MACROH2A1: variants seen among roughly 807,000 people sequenced by gnomAD.
MACROH2A1 encodes core histone macro-H2A.1.
A neutral mutation model predicts 31.6 loss-of-function variants in MACROH2A1; 2 were observed. That is an observed-to-expected ratio of 0.06 (90% CI 0.03 to 0.20). The LOEUF (loss-of-function observed/expected upper bound fraction) is 0.20, where lower values mean the gene tolerates loss of function less well. Among genes scored for constraint, MACROH2A1 ranks in the 10% least tolerant of loss-of-function variants. The probability of loss-of-function intolerance (pLI) is 1.00; values close to 1 mark genes in which losing one functional copy is unlikely to be tolerated. For synonymous variants in MACROH2A1, 169 were observed against 189.6 expected (o/e 0.89, Z 0.89); for missense variants, 230 against 474.0 (o/e 0.49, Z 4.78).
intron 4 of MACROH2A1, among the ~76,000 whole-genome samples, chr5:135,363,747 G>A (rs1363298860): frequency 4.6e-5 from 7 of 152,152 alleles, no homozygotes; most frequent in South Asian, 2.1e-4. Flanking sequence ...TTGAGGAATC[G>A]CCACACTGTC....
In MACROH2A1 at chr5:135,369,054, T is replaced by G. The variant is rs1346418338; in HGVS notation, c.477+352A>C. ...GGTAGCTGGCCACAGGACTAGACAG[T>G]GGCTGTCCCCTAACACAGGGAAGCC... On this transcript the variant is annotated intron_variant, in intron 4 of 8. Transcript: ENST00000511689. This position sits in a 1 kb window ranked among gnomAD's most constrained non-coding sequence, Gnocchi z 4.3. Among the ~76,000 whole-genome samples the G allele has an allele frequency of 6.6e-6, 1 of 152,238 alleles. No homozygotes were observed. The highest frequency in any genetic ancestry group is 6.5e-5 in the Admixed American group (1 of 15,290).
upstream of MACROH2A1, chr5:135,399,395 C>G (rs1320078960): frequency 1.3e-5 from 2 of 152,476 alleles, no homozygotes; most frequent in African/African-American, 4.8e-5. The surrounding 1 kb of genome is among the most constrained non-coding windows in gnomAD (Gnocchi z 4.5). Context: ...CGCCCAGGCA[C>G]CAGCCCGCAC....
intron 7 of MACROH2A1, chr5:135,345,603 C>T (rs1327748469): frequency 1.0e-5 from 2 of 190,812 alleles, no homozygotes; most frequent in East Asian, 1.3e-4. Context: ...CTCTTACACA[C>T]ACAGATGGCT....
At chr5:135,365,320 C>A (rs1306354807) in intron 4 of MACROH2A1, among the ~76,000 whole-genome samples, 1 of 151,776 alleles carries the variant, frequency 6.6e-6, no homozygotes, top group African/African-American at 2.4e-5. Flanking sequence ...CCACCTCAGG[C>A]CTACTTGCCA....
intron 2 of MACROH2A1, among the ~76,000 whole-genome samples, chr5:135,381,750 G>A (rs555707051): frequency 2.6e-5 from 4 of 152,322 alleles, no homozygotes; most frequent in East Asian, 1.9e-4. Context: ...GAGTAAACAC[G>A]AAGATAGTTC....
At chr5:135,352,873 T>C (rs1561592717) in intron 6 of MACROH2A1, 73 bp downstream of exon 6, 2 of 861,288 alleles carry the variant, frequency 2.3e-6, no homozygotes, top group Non-Finnish European at 4.0e-6. Context: ...TCTGGGAAGA[T>C]GAAATGCCTA....
At chr5:135,374,044 C>T (rs1764531676) in intron 2 of MACROH2A1, among the ~76,000 whole-genome samples, 1 of 152,184 alleles carries the variant, frequency 6.6e-6, no homozygotes, top group Non-Finnish European at 1.5e-5. Context: ...TGTGCTGCAG[C>T]AGCAGAGGGC....
chr5:135,387,727 G>A (rs1302672879), intron 2 of MACROH2A1, among the ~76,000 whole-genome samples: 2 of 152,118 alleles, frequency 1.3e-5, no homozygotes, highest in Non-Finnish European at 2.9e-5. Context: ...CACTAAAAAT[G>A]GGGTTAGTCT....
intron 1 of MACROH2A1, among the ~76,000 whole-genome samples, chr5:135,397,241 G>A (rs1015695205): frequency 2.0e-5 from 3 of 152,148 alleles, no homozygotes; most frequent in African/African-American, 7.2e-5. Flanking sequence ...GCTTCTCAGT[G>A]GGGAAGGAAT....
intron 2 of MACROH2A1, among the ~76,000 whole-genome samples, chr5:135,387,441 C>T (rs1766570468): frequency 6.6e-6 from 1 of 152,200 alleles, no homozygotes; most frequent in Non-Finnish European, 1.5e-5. Flanking sequence ...ACTGAGAGAG[C>T]AGGGAGTGCA....
At chr5:135,365,010 G>C (rs1300115419) in intron 4 of MACROH2A1, among the ~76,000 whole-genome samples, 1 of 152,060 alleles carries the variant, frequency 6.6e-6, no homozygotes, top group Admixed American at 6.6e-5. Context: ...GTTTGTGTTT[G>C]AAAAAATCCC....
chr5:135,360,220 C>T (rs1762655425), intron 5 of MACROH2A1: 1 of 470,824 alleles, frequency 2.1e-6, no homozygotes, highest in South Asian at 2.4e-5. Context: ...AGCTCCTCCT[C>T]CAGACTAACC....
chr5:135,373,665 C>A (rs1764481986), intron 2 of MACROH2A1, among the ~76,000 whole-genome samples: 1 of 152,154 alleles, frequency 6.6e-6, no homozygotes, highest in Non-Finnish European at 1.5e-5. Context: ...AAGAGCTGGG[C>A]AGGGATGTCA....
At position 135,360,534 on chromosome 5, in the gene MACROH2A1, G is replaced by A; in HGVS notation, c.551C>T (p.Thr184Ile). The A allele has an allele frequency of 1.2e-6, 2 of 1,613,786 alleles. No individual in the cohort carries two copies. Among genetic ancestry groups the A allele is most frequent in the Non-Finnish European group, 1.7e-6 (2 of 1,179,700 alleles). The change falls in exon 5 of 9, where the codon ACA (threonine) becomes ATA (isoleucine). Residue 184 changes from threonine to isoleucine, a missense_variant. Coordinates refer to ENST00000511689, the MANE Select transcript of MACROH2A1 (RefSeq NM_138610.3). ...TTEGTPADGFTVLSTKSLFLG... is the reference protein window; with the variant it reads ...TTEGTPADGFIVLSTKSLFLG... ...GAAGAGGCTCTTGGTGGAGAGGACT[G>A]TGAAGCCGTCGGCAGGTGTGCCCTC...
intron 8 of MACROH2A1, among the ~76,000 whole-genome samples, chr5:135,340,797 G>A (rs1286952015): frequency 3.9e-5 from 6 of 152,324 alleles, no homozygotes; most frequent in Non-Finnish European, 5.9e-5. Context: ...TTTACTGGCC[G>A]GCTCTGGTGT....
In MACROH2A1 at chr5:135,353,030, T is replaced by C; in HGVS notation, c.604A>G (p.Ser202Gly). Residue 202 changes from serine (S) to glycine (G), a missense_variant, in exon 6 of 9, where the codon AGT becomes GGT. Transcript: ENST00000511689. ...AAGCCGGCTAAATTACTGATTTCACTGTGAATAAGGTTCAGCTGCAAAGAA... is the reference window on the plus strand; with the variant it reads ...AAGCCGGCTAAATTACTGATTTCACCGTGAATAAGGTTCAGCTGCAAAGAA... ...FLGQKLNLIH[S>G]EISNLAGFEV... 1 of 1,603,194 alleles carries C rather than the reference T, an allele frequency of 6.2e-7. No individual in the cohort carries two copies. Among genetic ancestry groups the C allele is most frequent in the Non-Finnish European group, 8.5e-7 (1 of 1,170,120 alleles).
At chr5:135,349,329 T>C (rs1761232852) in intron 6 of MACROH2A1, among the ~76,000 whole-genome samples, 1 of 152,168 alleles carries the variant, frequency 6.6e-6, no homozygotes, top group Non-Finnish European at 1.5e-5. Flanking sequence ...TTTCATTTGG[T>C]TTAAAAAGGA....
intron 5 of MACROH2A1, chr5:135,356,425 G>C (rs1382560526): frequency 6.6e-6 from 1 of 152,374 alleles, no homozygotes; most frequent in African/African-American, 2.4e-5. Flanking sequence ...GAAGGCAGGA[G>C]TGGGTGTGGC....
At chr5:135,373,076 C>G (rs996714795) in intron 2 of MACROH2A1, among the ~76,000 whole-genome samples, 1 of 152,168 alleles carries the variant, frequency 6.6e-6, no homozygotes, top group Non-Finnish European at 1.5e-5. Context: ...AGTCCTAAGC[C>G]CAACCCTTTG....
Sources: allele counts gnomAD v4.1 joint callset (sites outside exome capture counted in the v4.1 genomes callset), GRCh38; gene constraint gnomAD v4.1.1; non-coding constraint Gnocchi (gnomAD v3.1); transcripts MANE v1.5; gene names NCBI Gene and HGNC (gene_info 2026-07-23, HGNC 2026-07-21).